Variants in MMP28 observed in about 807,000 individuals in gnomAD.
MMP28 encodes the protein matrix metallopeptidase 28.
In MMP28, 55 loss-of-function variants were observed where a neutral mutation model predicts 60.5. That is an observed-to-expected ratio of 0.91 (90% CI 0.73 to 1.14). The LOEUF (loss-of-function observed/expected upper bound fraction) is 1.14, where lower values mean the gene tolerates loss of function less well. Ranked by LOEUF, MMP28 falls within the 50% of genes most tolerant of loss-of-function variation. MMP28 has a pLI of 0.00. For missense variants in MMP28, 686 were observed against 738.3 expected, an observed-to-expected ratio of 0.93 and a Z score of 0.82; for synonymous variants, 318 against 312.5, an observed-to-expected ratio of 1.02 and a Z score of -0.18.
intron 1 of MMP28, among the ~76,000 whole-genome samples, chr17:35,786,725 T>C (rs2086662758): frequency 8.4e-6 from 1 of 119,462 alleles, no homozygotes; most frequent in African/African-American, 4.1e-5. Context: ...AGATGAATGA[T>C]AGCTGGTATT....
chr17:35,769,803 A>C (rs1297380873), intron 5 of MMP28, among the ~76,000 whole-genome samples: 1 of 151,082 alleles, frequency 6.6e-6, no homozygotes, highest in Non-Finnish European at 1.5e-5. Flanking sequence ...AGTGGAACGC[A>C]AGGGGCGGGG....
At chr17:35,777,740 A>G (rs2086375230) in intron 3 of MMP28, among the ~76,000 whole-genome samples, 1 of 152,258 alleles carries the variant, frequency 6.6e-6, no homozygotes. Flanking sequence ...AGTTAAAACA[A>G]TCAGGTTGTT....
At chr17:35,778,713 T>A (rs2086404140) in intron 3 of MMP28, 175 bp downstream of exon 3, 1 of 1,390,090 alleles carries the variant, frequency 7.2e-7, no homozygotes, top group African/African-American at 1.4e-5. Context: ...CTGAATTAAA[T>A]GTCTGTATTC....
At chr17:35,794,314 C>T (rs544393135) in intron 1 of MMP28, among the ~76,000 whole-genome samples, 37 of 146,870 alleles carry the variant, frequency 2.5e-4, no homozygotes, top group Middle Eastern at 3.7e-3. Context: ...GGCAGGATCT[C>T]GGCTCACTGC....
intron 3 of MMP28, 126 bp from the exon 4 acceptor site, chr17:35,773,530 A>G: frequency 1.2e-6 from 1 of 856,714 alleles, no homozygotes; most frequent in Admixed American, 2.7e-5. Context: ...GGGAAGACAC[A>G]GTTTTTGCCC....
chr17:35,774,512 C>T (rs910007886), intron 3 of MMP28, among the ~76,000 whole-genome samples: 2 of 152,194 alleles, frequency 1.3e-5, no homozygotes, highest in Non-Finnish European at 2.9e-5. Context: ...TTTGCCAGGA[C>T]GCCAGGCTTA....
Position 35,767,781 on chromosome 17 carries a change from A to C in MMP28, c.1139T>G (p.Leu380Trp). 2 of 1,579,786 alleles carry C rather than the reference A, an allele frequency of 1.3e-6. No individual in the cohort carries two copies. Among genetic ancestry groups the C allele is most frequent in the South Asian group, 1.2e-5 (1 of 86,542 alleles). Residue 380 changes from leucine to tryptophan, a missense_variant, in exon 7 of 8, where the codon TTG (leucine) becomes TGG (tryptophan). Coordinates refer to ENST00000605424, the MANE Select transcript of MMP28 (RefSeq NM_024302.5). The part of the protein sequence containing the change: ...PPNIEAAAVS[L>W]NDGDFYFFKG... ...GAAGAAGTAGAAATCTCCATCATTC[A>C]ATGACACTGCCGCAGCCTCAATGTT... is the stretch of plus-strand genomic sequence containing the variant.
intron 2 of MMP28, among the ~76,000 whole-genome samples, chr17:35,760,484 G>C (rs1037578099): frequency 1.3e-5 from 2 of 152,178 alleles, no homozygotes; most frequent in East Asian, 3.9e-4. Context: ...ATAAGGATAA[G>C]ACAGGAAGAG....
At chr17:35,789,949 A>G (rs1321608129) in intron 1 of MMP28, among the ~76,000 whole-genome samples, 3 of 149,728 alleles carry the variant, frequency 2.0e-5, no homozygotes, top group African/African-American at 7.4e-5. Flanking sequence ...TTTAGTAGAG[A>G]CGGGGTTTCA....
downstream of MMP28, chr17:35,760,916 G>C (rs903702670): frequency 1.2e-6 from 2 of 1,613,560 alleles, no homozygotes; most frequent in East Asian, 2.2e-5. Context: ...TCTGATCAGG[G>C]AAAGCAGGGC....
intron 2 of MMP28, among the ~76,000 whole-genome samples, chr17:35,756,875 G>A (rs1445466726): frequency 6.6e-6 from 1 of 152,070 alleles, no homozygotes. Flanking sequence ...AGAGACAAGG[G>A]AAGAAGTATT....
At chr17:35,791,743 C>G (rs2086820589) in intron 1 of MMP28, among the ~76,000 whole-genome samples, 1 of 152,138 alleles carries the variant, frequency 6.6e-6, no homozygotes, top group South Asian at 2.1e-4. Flanking sequence ...CTGCCAATAT[C>G]TTCCAGAACT....
chr17:35,764,031 A>G (rs782565726), downstream of MMP28: 43 of 1,546,242 alleles, frequency 2.8e-5, no homozygotes, highest in Non-Finnish European at 3.6e-5. Flanking sequence ...TTGTGGAAGA[A>G]GGAAACGGAA....
chr17:35,778,768 C>T (rs2086406096), intron 3 of MMP28, 120 bp downstream of exon 3: 2 of 1,576,172 alleles, frequency 1.3e-6, no homozygotes, highest in East Asian at 2.3e-5. Context: ...ACCCACTCCT[C>T]CCGTGCCCTA....
chr17:35,795,391 G>C lies in MMP28; in HGVS notation c.-14C>G, dbSNP rs1199714903. The C allele has an allele frequency of 1.4e-6, 2 of 1,407,734 alleles. No individual in the cohort carries two copies. Among genetic ancestry groups the C allele is most frequent in the Admixed American group, 6.1e-5 (2 of 32,954 alleles). The allele number at this position is 1,407,734 out of a possible 1,614,324, so 87.2% of individuals were successfully genotyped here. A position where few individuals can be genotyped will look rare whatever the true frequency, so the allele number is the denominator to read the frequency against. ...GCGCGCGACCATCTCGCCGCCTCCG[G>C]TGCAGCCCGGCTCGGGGAGCTACTG... On this transcript the variant is annotated 5_prime_UTR_variant, in exon 1 of 8. Coordinates refer to ENST00000605424, the MANE Select transcript of MMP28 (RefSeq NM_024302.5).
chr17:35,792,022 T>TC (rs2086828067), intron 1 of MMP28, among the ~76,000 whole-genome samples: 3 of 152,054 alleles, frequency 2.0e-5, no homozygotes, highest in South Asian at 4.2e-4. Context: ...GAGGTCTAGT[T>TC]CCCCGCACTG....
chr17:35,762,148 G>T (rs375994450), downstream of MMP28, among the ~76,000 whole-genome samples: 1 of 152,008 alleles, frequency 6.6e-6, no homozygotes, highest in African/African-American at 2.4e-5. Flanking sequence ...GCACTGCCAC[G>T]CCCAGCTAAT....
At position 35,775,198 on chromosome 17, in the gene MMP28, C is replaced by T. The variant is rs79063480; in HGVS notation, c.380-1794G>A. Among the ~76,000 whole-genome samples the T allele has an allele frequency of 5.6e-4, 85 of 152,238 alleles. 1 individual carries two copies. The highest frequency in any genetic ancestry group is 2.0e-3 in the African/African-American group (84 of 41,530). On this transcript the variant is annotated intron_variant, in intron 3 of 7. Coordinates refer to ENST00000605424, the MANE Select transcript of MMP28 (RefSeq NM_024302.5). Reference sequence around the variant, plus strand: ...AATAGGAATGGGAATTGAGAGAAAACGACTGTTTTCCTGAGAGGACCAGGG... The same window carrying T: ...AATAGGAATGGGAATTGAGAGAAAATGACTGTTTTCCTGAGAGGACCAGGG...
chr17:35,771,447 A>C (rs983228984), intron 4 of MMP28, among the ~76,000 whole-genome samples: 4 of 149,266 alleles, frequency 2.7e-5, no homozygotes, highest in African/African-American at 9.8e-5. Flanking sequence ...AAAAAAAAAA[A>C]AAAAGAATTA....
Sources: gnomAD v4.1 joint callset for allele counts (sites outside exome capture counted in the v4.1 genomes callset) on GRCh38, gnomAD v4.1.1 for gene constraint, MANE v1.5 for transcripts, NCBI Gene and HGNC (gene_info 2026-07-23, HGNC 2026-07-21) for gene names.